The following DNM3 variants were observed in gnomAD, a reference collection of about 807,000 sequenced individuals.
DNM3 encodes dynamin-3.
A neutral mutation model predicts 101.6 loss-of-function variants in DNM3; 47 were observed. That is an observed-to-expected ratio of 0.46 (90% confidence interval 0.37 to 0.59). The LOEUF is 0.59. Ranked by LOEUF, DNM3 falls within the 20% of genes least tolerant of loss-of-function variation. DNM3 has a pLI of 0.00. For missense variants in DNM3, 849 were observed against 1,085.7 expected (o/e 0.78, Z 3.06); for synonymous variants, 385 against 387.9 (o/e 0.99, Z 0.09).
intron 17 of DNM3, among the ~76,000 whole-genome samples, chr1:172,333,127 T>A (rs1054955715): frequency 6.6e-6 from 1 of 152,178 alleles, no homozygotes; most frequent in African/African-American, 2.4e-5. Flanking sequence ...GCTTCTGTAT[T>A]TATATGAGCA....
chr1:171,884,405 A>G (rs1571408948), intron 1 of DNM3, among the ~76,000 whole-genome samples: 4 of 152,134 alleles, frequency 2.6e-5, no homozygotes, highest in South Asian at 4.1e-4. Flanking sequence ...TTACCCATAT[A>G]TGTTATCTTT....
intron 1 of DNM3, among the ~76,000 whole-genome samples, chr1:171,867,923 A>G (rs907126299): frequency 4.1e-5 from 6 of 147,066 alleles, no homozygotes; most frequent in African/African-American, 1.6e-4. Flanking sequence ...TTGTTAATTA[A>G]ACTAAGATAC....
chr1:172,414,811 G>A (rs2071370873), downstream of DNM3, among the ~76,000 whole-genome samples: 1 of 138,858 alleles, frequency 7.2e-6, no homozygotes, highest in Admixed American at 7.6e-5. Context: ...GCTCATGCCT[G>A]TAGTTCCAGC....
chr1:171,872,009 C>T (rs573993172), intron 1 of DNM3, among the ~76,000 whole-genome samples: 4 of 151,644 alleles, frequency 2.6e-5, no homozygotes, highest in East Asian at 1.9e-4. Flanking sequence ...TCCATGCAGA[C>T]GAGCTATGGC....
Position 172,093,633 on chromosome 1 carries a change from T to C in DNM3, c.1545+758T>C, listed in dbSNP as rs181265447. ...ATTGTTTTGAAAGGAGAAGAGGTAATAACAGACTTTATTTTAAAAACTTTT... is the reference window on the plus strand; with the variant it reads ...ATTGTTTTGAAAGGAGAAGAGGTAACAACAGACTTTATTTTAAAAACTTTT... On this transcript the variant is annotated intron_variant, in intron 13 of 20. Transcript: ENST00000627582. The C allele has an allele frequency of 4.4e-4, 639 of 1,456,692 alleles. 2 individuals are homozygous for C. The African/African-American group carries it at 7.6e-3, about 17-fold the overall frequency. 90.2% of individuals were successfully genotyped at this position (1,456,692 alleles called of 1,614,324 possible). A position where few individuals can be genotyped will look rare whatever the true frequency, so the allele number is the denominator to read the frequency against.
chr1:172,040,836 T>C (rs1385913643), intron 7 of DNM3, among the ~76,000 whole-genome samples: 1 of 152,060 alleles, frequency 6.6e-6, no homozygotes, highest in Non-Finnish European at 1.5e-5. Context: ...AGAATGGTGT[T>C]CTGAGCAGAA....
Position 172,411,356 on chromosome 1 carries a change from C to G in DNM3, c.*3515C>G, listed in dbSNP as rs143879943. 140 of 984,810 alleles carry G rather than the reference C, an allele frequency of 1.4e-4. No individual in the cohort carries two copies. The highest frequency in any genetic ancestry group is 5.5e-4 in the Admixed American group (9 of 16,246). The allele number at this position is 984,810 out of a possible 1,614,324, so 61.0% of individuals were successfully genotyped here. A position where few individuals can be genotyped will look rare whatever the true frequency, so the allele number is the denominator to read the frequency against. Reference sequence around the variant, plus strand: ...TGTCCATAGACATTTGTATCTGAATCCACAAGAAGATCTGAATCTAAGAAG... The same window carrying G: ...TGTCCATAGACATTTGTATCTGAATGCACAAGAAGATCTGAATCTAAGAAG... On this transcript the variant is annotated 3_prime_UTR_variant, in exon 21 of 21. Coordinates refer to ENST00000627582, the MANE Select transcript of DNM3 (RefSeq NM_015569.5).
chr1:172,261,074 G>A (rs2062624920), intron 15 of DNM3, among the ~76,000 whole-genome samples: 2 of 152,094 alleles, frequency 1.3e-5, no homozygotes, highest in African/African-American at 4.8e-5. Flanking sequence ...AGCCTCCTGT[G>A]TAGTTAGGAC....
chr1:172,292,234 T>TTA (rs2063949774), intron 15 of DNM3, among the ~76,000 whole-genome samples: 1 of 152,200 alleles, frequency 6.6e-6, no homozygotes, highest in Admixed American at 6.5e-5. Flanking sequence ...CAAGTTGATA[T>TTA]TATAATCCCC....
At chr1:171,882,419 G>GTC (rs1246711950) in intron 1 of DNM3, among the ~76,000 whole-genome samples, 3 of 109,998 alleles carry the variant, frequency 2.7e-5, no homozygotes, top group African/African-American at 1.2e-4. Flanking sequence ...TTTTGTCTCT[G>GTC]TCTCTCTCTA....
Position 172,367,126 on chromosome 1 carries a change from G to A in DNM3, c.1894-11892G>A, listed in dbSNP as rs542573292. On this transcript the variant is annotated intron_variant, in intron 17 of 20. Coordinates refer to ENST00000627582, the MANE Select transcript of DNM3 (RefSeq NM_015569.5). ...GAGAAAAGTGTTAAGTCACAGATAA[G>A]GGAATCCCCATTAAGCTAACATTAG... 2.0e-5 allele frequency among the ~76,000 whole-genome samples: 3 copies of A among 151,764 alleles called. No individual in the cohort carries two copies. In the East Asian group the frequency reaches 5.8e-4, roughly 30 times the overall value.
rs1222822977 is a variant in DNM3, at chr1:171,948,054, G to A, written c.235+26233G>A. On this transcript the variant is annotated intron_variant, in intron 2 of 20. Transcript: ENST00000627582. ...GGCTACAGCTCTGCTTCTACCCAGGGTTAGCACCTAATGGTAATTCCATCT... is the reference window on the plus strand; with the variant it reads ...GGCTACAGCTCTGCTTCTACCCAGGATTAGCACCTAATGGTAATTCCATCT... 2.6e-5 allele frequency among the ~76,000 whole-genome samples: 4 copies of A among 152,170 alleles called. No homozygotes were observed. The South Asian group carries it at 8.3e-4, about 32-fold the overall frequency.
At chr1:172,417,277 A>G (rs147089542), downstream of DNM3, among the ~76,000 whole-genome samples, 41 of 152,324 alleles carry the variant, frequency 2.7e-4, no homozygotes, top group African/African-American at 4.6e-4. Flanking sequence ...AGGGGAAATT[A>G]AAGTGTAGAC....
intron 15 of DNM3, among the ~76,000 whole-genome samples, chr1:172,297,084 A>G (rs946350882): frequency 1.3e-5 from 2 of 151,148 alleles, no homozygotes; most frequent in Non-Finnish European, 2.9e-5. Flanking sequence ...CGGAGGCTCC[A>G]GTGAGCCAAG....
intron 14 of DNM3, among the ~76,000 whole-genome samples, chr1:172,228,089 G>T (rs1351920042): frequency 2.6e-5 from 4 of 151,396 alleles, no homozygotes; most frequent in South Asian, 2.1e-4. Flanking sequence ...CATATATATT[G>T]CCAATACTTT....
At chr1:172,203,730 C>G (rs755910592) in intron 14 of DNM3, among the ~76,000 whole-genome samples, 6 of 152,042 alleles carry the variant, frequency 3.9e-5, no homozygotes, top group Non-Finnish European at 1.5e-5. Flanking sequence ...TTGTTTTCTT[C>G]TTATTATTAA....
In DNM3 at chr1:172,057,453, A is replaced by G. The variant is rs1436289727; in HGVS notation, c.1335+8703A>G. Among the ~76,000 whole-genome samples the G allele has an allele frequency of 4.6e-5, 7 of 152,292 alleles. No individual in the cohort carries two copies. In the East Asian group the frequency reaches 9.7e-4, roughly 21 times the overall value. On this transcript the variant is annotated intron_variant, in intron 10 of 20. Transcript: ENST00000627582. ...TAAGGGCAGCCAGAGAGAAAGGTCGAGTTACCCTCAAAGGGAAGCCCATCA... is the reference window on the plus strand; with the variant it reads ...TAAGGGCAGCCAGAGAGAAAGGTCGGGTTACCCTCAAAGGGAAGCCCATCA...
At chr1:171,961,362 T>A (rs1005347568) in intron 2 of DNM3, among the ~76,000 whole-genome samples, 11 of 152,180 alleles carry the variant, frequency 7.2e-5, no homozygotes, top group African/African-American at 2.7e-4. Context: ...TTAATCCATG[T>A]GTTTTTGACA....
At chr1:172,166,812 A>C (rs1274290561) in intron 14 of DNM3, among the ~76,000 whole-genome samples, 3 of 152,018 alleles carry the variant, frequency 2.0e-5, no homozygotes, top group Non-Finnish European at 4.4e-5. Flanking sequence ...TTTTTGCTCT[A>C]AAATCCTAAA....
Sources: gnomAD v4.1 joint callset for allele counts (sites outside exome capture counted in the v4.1 genomes callset) on GRCh38, gnomAD v4.1.1 for gene constraint, MANE v1.5 for transcripts, NCBI Gene and HGNC (gene_info 2026-07-23, HGNC 2026-07-21) for gene names.